SATL1: variants seen among roughly 807,000 people sequenced by gnomAD.
SATL1 encodes spermidine/spermine N1-acetyl transferase like 1.
SATL1 carries 47 observed loss-of-function variants against 51.8 expected under a neutral mutation model. The observed-to-expected ratio is 0.91, with a 90% CI of 0.72 to 1.16. The LOEUF is 1.16. SATL1 is among the 50% of genes most tolerant of loss of function. The probability of loss-of-function intolerance (pLI) is 0.00; values close to 1 mark genes in which losing one functional copy is unlikely to be tolerated. For synonymous variants in SATL1, 176 were observed against 182.4 expected (o/e 0.97, Z 0.28); for missense variants, 520 against 526.4 (o/e 0.99, Z 0.12).
chrX:85,234,105 A>G (rs529836886), intron 1 of SATL1, among the ~76,000 whole-genome samples: 2 of 111,785 alleles, frequency 1.8e-5, no homozygotes, highest in East Asian at 2.8e-4. Context: ...AAGACTTTTC[A>G]GTGGAAACTT....
intron 2 of SATL1, among the ~76,000 whole-genome samples, chrX:85,221,450 G>T (rs1378940718): frequency 8.9e-6 from 1 of 111,755 alleles, no homozygotes; most frequent in Non-Finnish European, 1.9e-5. Context: ...CAGAGCCCAG[G>T]ATTCAAACAC....
At chrX:85,166,935 A>ATATGTATGTG (rs1337859769) in intron 2 of SATL1, among the ~76,000 whole-genome samples, 12 of 84,699 alleles carry the variant, frequency 1.4e-4, no homozygotes, top group African/African-American at 6.0e-4. Context: ...ATATATATAT[A>ATATGTATGTG]TGTGTATGTG....
chrX:85,223,567 A>T (rs139799785), intron 2 of SATL1, among the ~76,000 whole-genome samples: 1,768 of 111,157 alleles, frequency 0.016, 25 homozygotes, highest in Middle Eastern at 0.041. Context: ...ATGAGCCAAG[A>T]TAAGAAGCCT....
At chrX:85,191,166 TATC>T (rs1299153601) in intron 2 of SATL1, among the ~76,000 whole-genome samples, 1 of 111,263 alleles carries the variant, frequency 9.0e-6, no homozygotes, top group Non-Finnish European at 1.9e-5. Flanking sequence ...AATTGTGTAA[TATC>T]ATGCATTCTA....
chrX:85,180,645 A>G (rs749972063), intron 2 of SATL1, among the ~76,000 whole-genome samples: 115 of 111,761 alleles, frequency 1.0e-3, no homozygotes, highest in African/African-American at 3.7e-3. Context: ...TTAATGATAC[A>G]TAATTTTCAT....
At chrX:85,127,842 A>C (rs1358900263) in intron 2 of SATL1, among the ~76,000 whole-genome samples, 1 of 109,999 alleles carries the variant, frequency 9.1e-6, no homozygotes, top group African/African-American at 3.3e-5. Flanking sequence ...TCCCTGCCCT[A>C]TGTCCAAGTG....
At chrX:85,127,366 T>A (rs1017970801) in intron 2 of SATL1, among the ~76,000 whole-genome samples, 2 of 111,557 alleles carry the variant, frequency 1.8e-5, no homozygotes, top group African/African-American at 6.5e-5. Flanking sequence ...AAGCACTATA[T>A]AAATGTAGGT....
At chrX:85,130,806 A>G (rs936757729) in intron 2 of SATL1, among the ~76,000 whole-genome samples, 11 of 112,005 alleles carry the variant, frequency 9.8e-5, no homozygotes, top group African/African-American at 3.6e-4. Flanking sequence ...TTCCCTCTAC[A>G]CACTGCTTTA....
rs1458893178 is a variant in SATL1, at chrX:85,138,522, C to T, written c.-312-29242G>A. On this transcript the variant is annotated intron_variant, in intron 2 of 7. Coordinates refer to ENST00000644105, the MANE Select transcript of SATL1 (RefSeq NM_001367857.2). ...TTTTTGTTTTTGTTTTTGTTTTTAA[C>T]TCCCAAGCAGGTCCATTCTCAGCTT... Among the ~76,000 whole-genome samples, 4 of 111,475 alleles carry T rather than the reference C, an allele frequency of 3.6e-5. No homozygotes were observed. In the South Asian group the frequency reaches 1.5e-3, roughly 42 times the overall value.
At chrX:85,220,694 T>C (rs1196717074) in intron 2 of SATL1, among the ~76,000 whole-genome samples, 2 of 77,630 alleles carry the variant, frequency 2.6e-5, no homozygotes, top group East Asian at 4.9e-4. Context: ...AAAACTCTCC[T>C]GGATCTAAGA....
chrX:85,162,392 T>C (rs759223666), intron 2 of SATL1, among the ~76,000 whole-genome samples: 13 of 111,518 alleles, frequency 1.2e-4, no homozygotes, highest in African/African-American at 4.2e-4. Flanking sequence ...TGATTTTGTA[T>C]CCTGAAACCT....
intron 1 of SATL1, among the ~76,000 whole-genome samples, chrX:85,237,323 C>A (rs923388971): frequency 3.6e-5 from 4 of 111,300 alleles, no homozygotes; most frequent in Non-Finnish European, 5.7e-5. Flanking sequence ...GTAAACAAAG[C>A]AGCATGGTCT....
At chrX:85,160,779 T>A (rs1297998109) in intron 2 of SATL1, among the ~76,000 whole-genome samples, 3 of 111,490 alleles carry the variant, frequency 2.7e-5, no homozygotes, top group Admixed American at 9.5e-5. Flanking sequence ...CATGAGAACG[T>A]CCTCAACCTA....
chrX:85,097,920 C>T (rs1452240604), intron 4 of SATL1, among the ~76,000 whole-genome samples: 1 of 111,022 alleles, frequency 9.0e-6, no homozygotes, highest in Non-Finnish European at 1.9e-5. Context: ...TAGGAACAAC[C>T]AAAAGCTTTA....
intron 2 of SATL1, among the ~76,000 whole-genome samples, chrX:85,122,809 C>T (rs1234355037): frequency 4.5e-5 from 5 of 111,213 alleles, no homozygotes; most frequent in African/African-American, 1.3e-4. Context: ...CACCCACTCC[C>T]CACACTTTGC....
Position 85,139,703 on chromosome X carries a change from C to T in SATL1, c.-312-30423G>A, listed in dbSNP as rs182609345. On this transcript the variant is annotated intron_variant, in intron 2 of 7. Transcript: ENST00000644105. ...TCAGAAAGAGCCCTCAGATTAATCT[C>T]ATTTTCTTATGGCTCATTATTTATG... Among the ~76,000 whole-genome samples the T allele has an allele frequency of 1.5e-3, 166 of 111,692 alleles. 1 individual carries two copies. Among genetic ancestry groups the T allele is most frequent in the Middle Eastern group, 9.3e-3 (2 of 216 alleles).
At position 85,108,692 on chromosome X, in the gene SATL1, C is replaced by T. The variant is rs1925174405; in HGVS notation, c.277G>A (p.Glu93Lys). ...TTGCTCAGGACTAGTTGGCTCAGTT[C>T]TTGTTGCAGCATGCCTGGTTGGCTC... Reference protein sequence around the residue: ...GRSQPGMLQQELSQLVLSKAG... With the variant: ...GRSQPGMLQQKLSQLVLSKAG... Residue 93 changes from glutamate (E) to lysine (K), a missense_variant, in exon 3 of 8, where the codon GAA becomes AAA. By Grantham distance (56) the Glu-to-Lys change is moderately conservative. Coordinates refer to ENST00000644105, the MANE Select transcript of SATL1 (RefSeq NM_001367857.2). 2 of 1,201,232 alleles carry T rather than the reference C, an allele frequency of 1.7e-6. No homozygotes were observed.
chrX:85,093,836 C>T (rs1185799231), intron 6 of SATL1, among the ~76,000 whole-genome samples: 4 of 111,883 alleles, frequency 3.6e-5, no homozygotes, highest in Non-Finnish European at 7.5e-5. Flanking sequence ...TGCATTCTAG[C>T]CTGGGTGACA....
At chrX:85,192,829 A>G (rs773101747) in intron 2 of SATL1, among the ~76,000 whole-genome samples, 14 of 111,997 alleles carry the variant, frequency 1.3e-4, no homozygotes, top group Non-Finnish European at 2.6e-4. Context: ...GGTATCAAAA[A>G]TCATACATTA....
Sources: gnomAD v4.1 joint callset for allele counts (sites outside exome capture counted in the v4.1 genomes callset) on GRCh38, gnomAD v4.1.1 for gene constraint, MANE v1.5 for transcripts, NCBI Gene and HGNC (gene_info 2026-07-23, HGNC 2026-07-21) for gene names.